The following GRM3 variants were observed in gnomAD, a reference collection of about 807,000 sequenced individuals.
GRM3 encodes glutamate metabotropic receptor 3.
In GRM3, 26 loss-of-function variants were observed where a neutral mutation model predicts 70.5. That is an observed-to-expected ratio of 0.37 (90% CI 0.27 to 0.51). The LOEUF is 0.51. Among genes scored for constraint, GRM3 ranks in the 20% least tolerant of loss-of-function variants. GRM3 has a pLI of 0.93. For synonymous variants in GRM3, 443 were observed against 434.9 expected, an observed-to-expected ratio of 1.02 and a Z score of -0.23; for missense variants, 859 against 1,123.8, an observed-to-expected ratio of 0.76 and a Z score of 3.37.
chr7:86,825,342 G>T (rs1263874219), intron 3 of GRM3, among the ~76,000 whole-genome samples: 1 of 152,150 alleles, frequency 6.6e-6, no homozygotes, highest in East Asian at 1.9e-4. Context: ...ACCCTTTCAG[G>T]ATGATGTAGC....
intron 1 of GRM3, among the ~76,000 whole-genome samples, chr7:86,710,411 A>G (rs1262154139): frequency 6.6e-6 from 1 of 151,636 alleles, no homozygotes; most frequent in African/African-American, 2.4e-5. Flanking sequence ...CATTTGAATA[A>G]ATTACGTTTA....
chr7:86,826,234 C>T (rs1405967455), intron 3 of GRM3, among the ~76,000 whole-genome samples: 2 of 152,172 alleles, frequency 1.3e-5, no homozygotes, highest in Admixed American at 6.5e-5. Context: ...CCGGTTTGTG[C>T]TGGGGATAGA....
chr7:86,780,060 T>A (rs933471525), intron 2 of GRM3, among the ~76,000 whole-genome samples: 3 of 152,212 alleles, frequency 2.0e-5, no homozygotes, highest in African/African-American at 7.2e-5. Context: ...AACTCATCAT[T>A]TTTTATGGCT....
Position 86,839,962 on chromosome 7 carries a change from G to A in GRM3, c.2391+57G>A. The A allele has an allele frequency of 9.8e-7, 1 of 1,017,216 alleles. No individual in the cohort carries two copies. The highest frequency in any genetic ancestry group is 2.4e-5 in the East Asian group (1 of 42,134). 63.0% of individuals were successfully genotyped at this position (1,017,216 alleles called of 1,614,324 possible). On this transcript the variant is annotated intron_variant, in intron 4 of 5. Transcript: ENST00000361669. This position sits in a 1 kb window ranked among gnomAD's most constrained non-coding sequence, Gnocchi z 4.5. The stretch of plus-strand genomic sequence containing the variant: ...TTCTTTCTCCTCCAGTGTTTCTTGT[G>A]TAGTATTTAAAATAGACTCCTTTTA...
intron 3 of GRM3, among the ~76,000 whole-genome samples, chr7:86,830,253 G>A (rs1210270581): frequency 6.6e-6 from 1 of 152,176 alleles, no homozygotes; most frequent in African/African-American, 2.4e-5. Flanking sequence ...TGAGTAAGCT[G>A]GGGTTTTATG....
At position 86,726,638 on chromosome 7, in the gene GRM3, GAAC is replaced by G. The variant is rs1159527491; in HGVS notation, c.-140-38364_-140-38362del. On this transcript the variant is annotated intron_variant, in intron 1 of 5. Transcript: ENST00000361669. ...TATTTCCATTACTCAGAGCCATATAGAACAACCACAGAAGTACCACTTTTCACT... is the reference window on the plus strand; with the variant it reads ...TATTTCCATTACTCAGAGCCATATAGAACCACAGAAGTACCACTTTTCACT... 7.2e-5 allele frequency among the ~76,000 whole-genome samples: 11 copies of G among 152,078 alleles called. 1 individual carries two copies. The highest frequency in any genetic ancestry group is 2.6e-4 in the African/African-American group (11 of 41,514).
chr7:86,743,247 T>G (rs1181076124), intron 1 of GRM3, among the ~76,000 whole-genome samples: 2 of 152,164 alleles, frequency 1.3e-5, no homozygotes, highest in Non-Finnish European at 2.9e-5. Flanking sequence ...AAGATTCAGA[T>G]AATACTCTCT....
intron 4 of GRM3, among the ~76,000 whole-genome samples, chr7:86,842,869 T>A (rs1584275545): frequency 6.6e-6 from 1 of 152,314 alleles, no homozygotes; most frequent in African/African-American, 2.4e-5. Flanking sequence ...GGTAACATCA[T>A]GATCTTTCCA....
chr7:86,814,697 T>C lies in GRM3; in HGVS notation c.1325-24142T>C, dbSNP rs560976672. On this transcript the variant is annotated intron_variant, in intron 3 of 5. Coordinates refer to ENST00000361669, the MANE Select transcript of GRM3 (RefSeq NM_000840.3). ...TTTAATTACAGGCTCCTTTGCTATA[T>C]TTACCAAATAGCTAGTAGCCCTGAG... is the stretch of plus-strand genomic sequence containing the variant. 2.0e-5 allele frequency among the ~76,000 whole-genome samples: 3 copies of C among 151,720 alleles called. No individual in the cohort carries two copies. In the East Asian group the frequency reaches 5.8e-4, roughly 29 times the overall value.
At chr7:86,827,603 T>G (rs1798260507) in intron 3 of GRM3, among the ~76,000 whole-genome samples, 1 of 151,838 alleles carries the variant, frequency 6.6e-6, no homozygotes, top group South Asian at 2.1e-4. Flanking sequence ...AACCTCTGCC[T>G]CCCGCATTCA....
chr7:86,838,787 G>C, intron 3 of GRM3, 52 bp from the exon 4 acceptor site: 1 of 992,322 alleles, frequency 1.0e-6, no homozygotes, highest in Non-Finnish European at 1.5e-6. Flanking sequence ...CTAATCACAC[G>C]TAAGACACCT....
At chr7:86,731,798 T>A (rs1562841828) in intron 1 of GRM3, among the ~76,000 whole-genome samples, 1 of 152,214 alleles carries the variant, frequency 6.6e-6, no homozygotes, top group South Asian at 2.1e-4. Context: ...TTCAAGTAAC[T>A]ATTAAATGAC....
At chr7:86,758,980 A>T (rs1272929630) in intron 1 of GRM3, among the ~76,000 whole-genome samples, 3 of 152,106 alleles carry the variant, frequency 2.0e-5, no homozygotes, top group African/African-American at 7.2e-5. Context: ...TTATCAATTA[A>T]TTCCCATGAT....
At chr7:86,667,503 CTATG>C (rs1448246148) in intron 1 of GRM3, among the ~76,000 whole-genome samples, 1 of 152,072 alleles carries the variant, frequency 6.6e-6, no homozygotes, top group Non-Finnish European at 1.5e-5. Flanking sequence ...TATTATCTCT[CTATG>C]TGACTAAGTT....
chr7:86,696,344 A>C (rs1264419432), intron 1 of GRM3, among the ~76,000 whole-genome samples: 1 of 149,070 alleles, frequency 6.7e-6, no homozygotes, highest in Non-Finnish European at 1.5e-5. Flanking sequence ...GAGGTAGGAG[A>C]AAACAATGTG....
intron 1 of GRM3, among the ~76,000 whole-genome samples, chr7:86,733,098 A>G (rs1347636040): frequency 1.3e-5 from 2 of 152,008 alleles, no homozygotes; most frequent in Non-Finnish European, 2.9e-5. Flanking sequence ...GTGGATCACG[A>G]GGTCAGGAGA....
chr7:86,648,615 AC>A (rs944475316), intron 1 of GRM3, among the ~76,000 whole-genome samples: 1 of 152,156 alleles, frequency 6.6e-6, no homozygotes, highest in Admixed American at 6.5e-5. Flanking sequence ...CAAATTATTC[AC>A]CGTGCTGCAT....
At chr7:86,701,381 T>A (rs1469744706) in intron 1 of GRM3, among the ~76,000 whole-genome samples, 1 of 151,850 alleles carries the variant, frequency 6.6e-6, no homozygotes. Flanking sequence ...TCTAAATTAT[T>A]TTTTAGAAAG....
At chr7:86,829,892 T>G (rs1040504211) in intron 3 of GRM3, among the ~76,000 whole-genome samples, 6 of 152,348 alleles carry the variant, frequency 3.9e-5, no homozygotes, top group Non-Finnish European at 7.3e-5. Flanking sequence ...GATGCAGGGT[T>G]GCTACAAACT....
Sources: allele counts gnomAD v4.1 joint callset (sites outside exome capture counted in the v4.1 genomes callset), GRCh38; gene constraint gnomAD v4.1.1; non-coding constraint Gnocchi (gnomAD v3.1); transcripts MANE v1.5; gene names NCBI Gene and HGNC (gene_info 2026-07-23, HGNC 2026-07-21).